Variants in KHDRBS2 observed in about 807,000 individuals in gnomAD.
The protein encoded by KHDRBS2 is KH RNA binding domain containing, signal transduction associated 2.
A neutral mutation model predicts 44.3 loss-of-function variants in KHDRBS2; 26 were observed. The ratio of observed to expected loss-of-function variants is 0.59; its 90% CI spans 0.43 to 0.81. The LOEUF is 0.81. KHDRBS2 is among the 40% of genes least tolerant of loss of function. The pLI is 0.00. For missense variants in KHDRBS2, 476 were observed against 433.1 expected, an observed-to-expected ratio of 1.10 and a Z score of -0.88; for synonymous variants, 194 against 151.1, an observed-to-expected ratio of 1.28 and a Z score of -2.08.
chr6:62,267,721 T>TC (rs1259280353), intron 1 of KHDRBS2, among the ~76,000 whole-genome samples: 3 of 151,960 alleles, frequency 2.0e-5, no homozygotes, highest in Non-Finnish European at 4.4e-5. Flanking sequence ...TCTCTCCTAT[T>TC]CCCCCCATGT....
At chr6:61,810,224 G>C (rs746598642) in intron 6 of KHDRBS2, among the ~76,000 whole-genome samples, 1 of 152,108 alleles carries the variant, frequency 6.6e-6, no homozygotes, top group Non-Finnish European at 1.5e-5. Flanking sequence ...CTGAGAGCGA[G>C]GTCAGGTTAC....
rs187811059 is a variant in KHDRBS2 at position 61,919,950 on chromosome 6, T to C, written c.484-18579A>G. On this transcript the variant is annotated intron_variant, in intron 4 of 8. Transcript: ENST00000281156. The stretch of plus-strand genomic sequence containing the variant: ...TTTTCCTCTTTTATGATTCTACGAA[T>C]GGTTTGAGAAAATCTATTTTTATGG... Among the ~76,000 whole-genome samples the C allele has an allele frequency of 2.5e-3, 379 of 152,032 alleles. 3 individuals are homozygous for C. The highest frequency in any genetic ancestry group is 8.5e-3 in the African/African-American group (352 of 41,522).
intron 1 of KHDRBS2, among the ~76,000 whole-genome samples, chr6:62,248,899 T>C (rs2150173164): frequency 6.6e-6 from 1 of 152,122 alleles, no homozygotes; most frequent in South Asian, 2.1e-4. Flanking sequence ...CGAAAGACAA[T>C]GAGGGCATTT....
intron 6 of KHDRBS2, among the ~76,000 whole-genome samples, chr6:61,811,719 G>C (rs965334336): frequency 6.6e-6 from 1 of 151,906 alleles, no homozygotes; most frequent in African/African-American, 2.4e-5. Context: ...CTCTCTTCTT[G>C]ATTTTTTTTA....
chr6:62,182,369 A>G (rs1159880688), intron 1 of KHDRBS2, among the ~76,000 whole-genome samples: 1 of 152,046 alleles, frequency 6.6e-6, no homozygotes, highest in East Asian at 1.9e-4. Flanking sequence ...ACAATGAACA[A>G]GTCCTAGAGA....
chr6:62,141,539 A>G (rs1812802937), intron 2 of KHDRBS2, among the ~76,000 whole-genome samples: 2 of 152,164 alleles, frequency 1.3e-5, no homozygotes, highest in Admixed American at 1.3e-4. Flanking sequence ...CTAATTTTTC[A>G]TCTGTTTACT....
the KHDRBS2 span, among the ~76,000 whole-genome samples, chr6:61,588,581 G>A: frequency 6.6e-6 from 1 of 152,124 alleles, no homozygotes; most frequent in Non-Finnish European, 1.5e-5. Context: ...CTGGGAGTTT[G>A]AGATCAACCT....
At chr6:61,945,935 A>T (rs1813278822) in intron 4 of KHDRBS2, among the ~76,000 whole-genome samples, 1 of 152,220 alleles carries the variant, frequency 6.6e-6, no homozygotes, top group Non-Finnish European at 1.5e-5. Context: ...AGAACTAGTA[A>T]GTCTTGCATT....
At chr6:62,208,052 C>G (rs538883065) in intron 1 of KHDRBS2, among the ~76,000 whole-genome samples, 1 of 152,248 alleles carries the variant, frequency 6.6e-6, no homozygotes, top group Admixed American at 6.5e-5. Context: ...TCTCTGCCCC[C>G]TCTCACCCAT....
chr6:61,826,126 C>G (rs774304838), intron 6 of KHDRBS2, among the ~76,000 whole-genome samples: 1 of 152,042 alleles, frequency 6.6e-6, no homozygotes, highest in African/African-American at 2.4e-5. Context: ...AGTCCTTGGA[C>G]CTGGTCTTCA....
At chr6:62,125,164 A>C (rs183816644) in intron 2 of KHDRBS2, among the ~76,000 whole-genome samples, 23 of 152,310 alleles carry the variant, frequency 1.5e-4, no homozygotes, top group Admixed American at 1.2e-3. Flanking sequence ...CCAAAACCCT[A>C]GCAGCAGCAG....
At position 62,155,006 on chromosome 6, in the gene KHDRBS2, G is replaced by T. The variant is rs150460275; in HGVS notation, c.219+22179C>A. 2.5e-3 allele frequency among the ~76,000 whole-genome samples: 386 copies of T among 152,264 alleles called. 3 individuals carry two copies. Among genetic ancestry groups the T allele is most frequent in the African/African-American group, 8.5e-3 (354 of 41,556 alleles). On this transcript the variant is annotated intron_variant, in intron 2 of 8. Coordinates refer to ENST00000281156, the MANE Select transcript of KHDRBS2 (RefSeq NM_152688.4). The stretch of plus-strand genomic sequence containing the variant: ...TTTTAAAATCCTCACTAAGACTTTT[G>T]TGAAAAATAAATCAGAAAGAGAAAG...
At chr6:61,696,772 T>C (rs1295143747) in intron 8 of KHDRBS2, among the ~76,000 whole-genome samples, 2 of 152,158 alleles carry the variant, frequency 1.3e-5, no homozygotes, top group African/African-American at 4.8e-5. Flanking sequence ...TGGCTATGCA[T>C]GCTAGAAAAA....
chr6:61,725,719 C>T (rs13217919), intron 7 of KHDRBS2, among the ~76,000 whole-genome samples: 64 of 152,012 alleles, frequency 4.2e-4, no homozygotes, highest in East Asian at 9.7e-4. Context: ...TCCTGGACAC[C>T]TATGCCTTCA....
chr6:61,572,371 C>G, the KHDRBS2 span, among the ~76,000 whole-genome samples: 5 of 152,050 alleles, frequency 3.3e-5, no homozygotes, highest in African/African-American at 1.2e-4. Context: ...GATGGATGCA[C>G]AGCTAAATTC....
intron 1 of KHDRBS2, among the ~76,000 whole-genome samples, chr6:62,247,956 AT>A (rs918128412): frequency 3.9e-5 from 6 of 152,080 alleles, no homozygotes; most frequent in African/African-American, 1.4e-4. Context: ...TTTTCTTTAT[AT>A]TTCCTTAAAT....
chr6:61,620,257 T>A, the KHDRBS2 span, among the ~76,000 whole-genome samples: 9 of 152,154 alleles, frequency 5.9e-5, no homozygotes, highest in Admixed American at 5.9e-4. Context: ...AAAAAAAAAA[T>A]TCTTAATCTA....
chr6:62,264,372 C>G (rs1838844696), intron 1 of KHDRBS2, among the ~76,000 whole-genome samples: 1 of 151,780 alleles, frequency 6.6e-6, no homozygotes, highest in Non-Finnish European at 1.5e-5. Flanking sequence ...AACTCTAAGA[C>G]CAAAATGAAT....
chr6:62,038,328 T>G (rs1785743209), intron 3 of KHDRBS2, among the ~76,000 whole-genome samples: 1 of 151,982 alleles, frequency 6.6e-6, no homozygotes, highest in South Asian at 2.1e-4. Flanking sequence ...CTGATTTTTT[T>G]TTTTTCTTTT....
Sources: allele counts gnomAD v4.1 joint callset (sites outside exome capture counted in the v4.1 genomes callset), GRCh38; gene constraint gnomAD v4.1.1; transcripts MANE v1.5; gene names NCBI Gene and HGNC (gene_info 2026-07-23, HGNC 2026-07-21).